Variants in SMARCA4 observed in about 807,000 individuals in gnomAD.
The protein encoded by SMARCA4 is SWI/SNF related BAF chromatin remodeling complex subunit ATPase 4.
In SMARCA4, 31 loss-of-function variants were observed where a neutral mutation model predicts 193.9. The ratio of observed to expected loss-of-function variants is 0.16; its 90% CI spans 0.12 to 0.22. The LOEUF is 0.22. Ranked by LOEUF, SMARCA4 falls within the 10% of genes least tolerant of loss-of-function variation. The pLI, the probability that SMARCA4 is intolerant of heterozygous loss-of-function variation, is 1.00. For missense variants in SMARCA4, 1,148 were observed against 2,296.0 expected (o/e 0.50, Z 10.22); for synonymous variants, 942 against 933.1 (o/e 1.01, Z -0.17).
chr19:11,025,659 C>T (rs1478531172), intron 22 of SMARCA4, 151 bp downstream of exon 22: 2 of 677,872 alleles, frequency 3.0e-6, no homozygotes, highest in Non-Finnish European at 5.4e-6. Context: ...GTCTTCGCTT[C>T]ACCAGTGCTT....
Position 10,986,538 on chromosome 19 carries a change from C to T in SMARCA4, c.705C>T (p.Gly235=), listed in dbSNP as rs1060504445. ...CAACAGGACCCGGCCCTGGCCCTGG[C>T]CCTGGCCCCGGCCCGGGTCCCGGCC... ...VSATGPGPGP[G]PGPGPGPGPA... Residue 235 remains glycine, a synonymous_variant, in exon 4 of 35, where the codon GGC becomes GGT. Transcript: ENST00000344626. This position sits in a 1 kb window ranked among gnomAD's most constrained non-coding sequence, Gnocchi z 6.7. 1.9e-6 allele frequency: 3 copies of T among 1,541,290 alleles called. No individual in the cohort carries two copies. Among genetic ancestry groups the T allele is most frequent in the Admixed American group, 2.0e-5 (1 of 50,962 alleles).
chr19:11,035,499 G>C (rs2075214327), intron 29 of SMARCA4, among the ~76,000 whole-genome samples: 1 of 152,090 alleles, frequency 6.6e-6, no homozygotes, highest in African/African-American at 2.4e-5. Flanking sequence ...GGTGAATCAT[G>C]GACTATTGAG....
rs917005779 is a variant in SMARCA4, at chr19:11,029,515, C to T, written c.3383-1215C>T. Among the ~76,000 whole-genome samples, 9 of 152,346 alleles carry T rather than the reference C, an allele frequency of 5.9e-5. No individual in the cohort carries two copies. The East Asian group carries it at 7.7e-4, about 13-fold the overall frequency. ...CATGGGTGGGCTGGCATCTGGGAGC[C>T]GGGTGGCCCCTCACCTCAGCCCCTC... On this transcript the variant is annotated intron_variant, in intron 24 of 34. Transcript: ENST00000344626.
intron 1 of SMARCA4, among the ~76,000 whole-genome samples, chr19:10,972,832 C>T (rs913701851): frequency 3.5e-4 from 53 of 152,194 alleles, no homozygotes; most frequent in African/African-American, 1.3e-3. Context: ...GAATAGGGGC[C>T]GGGCACAGTG....
In SMARCA4 at chr19:11,030,576, G is replaced by A. The variant is rs976137859; in HGVS notation, c.3383-154G>A. Among the ~76,000 whole-genome samples, 1 of 152,236 alleles carries A rather than the reference G, an allele frequency of 6.6e-6. No homozygotes were observed. The highest frequency in any genetic ancestry group is 2.4e-5 in the African/African-American group (1 of 41,462). ...CTGGAAATCCAGTTATTCGCCAGTG[G>A]CCCACAGGCCCGTGTGGAGAGTGCG... On this transcript the variant is annotated intron_variant, in intron 24 of 34. Coordinates refer to ENST00000344626, the MANE Select transcript of SMARCA4 (RefSeq NM_003072.5). This position sits in a 1 kb window ranked among gnomAD's most constrained non-coding sequence, Gnocchi z 5.5.
chr19:11,004,260 T>C (rs937433853), intron 13 of SMARCA4, among the ~76,000 whole-genome samples: 1 of 150,510 alleles, frequency 6.6e-6, no homozygotes, highest in South Asian at 2.1e-4. Context: ...GTGATTTTTT[T>C]TTTTTTTGAG....
At chr19:10,975,596 A>G (rs1321209859) in intron 1 of SMARCA4, among the ~76,000 whole-genome samples, 1 of 151,236 alleles carries the variant, frequency 6.6e-6, no homozygotes, top group African/African-American at 2.5e-5. Flanking sequence ...GGCGTGAGCC[A>G]CCACGCCCAG....
chr19:11,018,893 G>T (rs2146356621), intron 16 of SMARCA4, 64 bp from the exon 17 acceptor site: 1 of 1,364,702 alleles, frequency 7.3e-7, no homozygotes, highest in Non-Finnish European at 1.1e-6. Flanking sequence ...CAGTGGCTAT[G>T]GGTTTGCACA....
At chr19:10,994,032 AT>A (rs2086790081) in intron 8 of SMARCA4, among the ~76,000 whole-genome samples, 1 of 150,976 alleles carries the variant, frequency 6.6e-6, no homozygotes, top group Non-Finnish European at 1.5e-5. Flanking sequence ...TCTCGTTTTT[AT>A]TTTATGTATT....
At chr19:11,014,507 AC>A (rs2089170219) in intron 16 of SMARCA4, among the ~76,000 whole-genome samples, 1 of 152,132 alleles carries the variant, frequency 6.6e-6, no homozygotes, top group African/African-American at 2.4e-5. Flanking sequence ...CCAGATTGCT[AC>A]AGCGTTCCTG....
In SMARCA4 at chr19:11,028,842, C is replaced by G. The variant is rs2090444517; in HGVS notation, c.3382+892C>G. 2.6e-5 allele frequency among the ~76,000 whole-genome samples: 4 copies of G among 151,928 alleles called. No homozygotes were observed. The South Asian group carries it at 8.4e-4, about 32-fold the overall frequency. On this transcript the variant is annotated intron_variant, in intron 24 of 34. Coordinates refer to ENST00000344626, the MANE Select transcript of SMARCA4 (RefSeq NM_003072.5). ...TTACGAGAAACACGAGCATGAGCTG[C>G]TGAGACAGACACGGCTCAGCCAGTT...
chr19:11,010,273 C>T, intron 14 of SMARCA4, 108 bp from the exon 15 acceptor site: 2 of 1,244,072 alleles, frequency 1.6e-6, no homozygotes, highest in Non-Finnish European at 2.3e-6. Context: ...GTGCTGGCCA[C>T]AGGTCATTCA....
At position 10,979,846 on chromosome 19, in the gene SMARCA4, G is replaced by T. The variant is rs1334836563; in HGVS notation, c.-31-4275G>T. ...TTTCCCTGGGAGAGTGGTATTGACTGGGGGGGCCCAAGAATGCCTTCTGGA... is the reference window on the plus strand; with the variant it reads ...TTTCCCTGGGAGAGTGGTATTGACTTGGGGGGCCCAAGAATGCCTTCTGGA... On this transcript the variant is annotated intron_variant, in intron 1 of 34. Coordinates refer to ENST00000344626, the MANE Select transcript of SMARCA4 (RefSeq NM_003072.5). Among the ~76,000 whole-genome samples, 4 of 152,098 alleles carry T rather than the reference G, an allele frequency of 2.6e-5. No individual in the cohort carries two copies. In the East Asian group the frequency reaches 5.8e-4, roughly 22 times the overall value.
chr19:11,056,988 G>A (rs925856473), intron 30 of SMARCA4, among the ~76,000 whole-genome samples: 4 of 152,248 alleles, frequency 2.6e-5, no homozygotes, highest in African/African-American at 9.6e-5. Flanking sequence ...GGGCTGCCCT[G>A]CCCTCTGGAA....
chr19:11,020,531 C>T (rs1201374235), intron 18 of SMARCA4: 2 of 152,288 alleles, frequency 1.3e-5, no homozygotes, highest in Admixed American at 6.5e-5. Flanking sequence ...CCACCTCACC[C>T]TCCTGAGTAG....
rs1281552752 is a variant in SMARCA4 at position 11,034,033 on chromosome 19, A to G, written c.3874-90A>G. On this transcript the variant is annotated intron_variant, in intron 27 of 34. Coordinates refer to ENST00000344626, the MANE Select transcript of SMARCA4 (RefSeq NM_003072.5). This position sits in a 1 kb window ranked among gnomAD's most constrained non-coding sequence, Gnocchi z 7.0. ...GCAGCCGTGCCGGGACCACCAGCTCATTCCCACGGACGCCGCCGCTCGCCT... is the reference window on the plus strand; with the variant it reads ...GCAGCCGTGCCGGGACCACCAGCTCGTTCCCACGGACGCCGCCGCTCGCCT... The G allele has an allele frequency of 1.3e-5, 13 of 986,916 alleles. No homozygotes were observed. The highest frequency in any genetic ancestry group is 1.8e-5 in the Non-Finnish European group (11 of 612,284). 61.1% of individuals were successfully genotyped at this position (986,916 alleles called of 1,614,324 possible). A position where few individuals can be genotyped will look rare whatever the true frequency, so the allele number is the denominator to read the frequency against.
rs762192740 is a variant in SMARCA4, at chr19:11,034,238, C to T, written c.3951+38C>T. On this transcript the variant is annotated intron_variant, in intron 28 of 34. Transcript: ENST00000344626. This position sits in a 1 kb window ranked among gnomAD's most constrained non-coding sequence, Gnocchi z 7.0. The stretch of plus-strand genomic sequence containing the variant: ...GGCTGGATGGGGCAGTTCAGGCATC[C>T]CACTCTGCTGCCACCAGGAGCAAAG... 6.7e-7 allele frequency: 1 copy of T among 1,502,666 alleles called. No individual in the cohort carries two copies. Among genetic ancestry groups the T allele is most frequent in the East Asian group, 2.3e-5 (1 of 44,358 alleles). The allele number at this position is 1,502,666 out of a possible 1,614,324, so 93.1% of individuals were successfully genotyped here.
In SMARCA4 at chr19:11,033,222, T is replaced by A. The variant is rs2075050530; in HGVS notation, c.3547-68T>A. The A allele has an allele frequency of 1.6e-6, 2 of 1,227,400 alleles. No individual in the cohort carries two copies. Among genetic ancestry groups the A allele is most frequent in the Non-Finnish European group, 2.4e-6 (2 of 830,516 alleles). 76.0% of individuals were successfully genotyped at this position (1,227,400 alleles called of 1,614,324 possible). ...GCACAGCACACCTCTCCAGCTAGTG[T>A]CAGAGGCCACCTTCCCTTTTATGAC... On this transcript the variant is annotated intron_variant, in intron 25 of 34. Transcript: ENST00000344626. This position sits in a 1 kb window ranked among gnomAD's most constrained non-coding sequence, Gnocchi z 9.8.
At chr19:11,049,811 G>A (rs1211611635) in intron 30 of SMARCA4, among the ~76,000 whole-genome samples, 2 of 152,168 alleles carry the variant, frequency 1.3e-5, no homozygotes, top group Non-Finnish European at 2.9e-5. Context: ...CTACAATAAA[G>A]ACCATGCGGG....
Sources: gnomAD v4.1 joint callset for allele counts (sites outside exome capture counted in the v4.1 genomes callset) on GRCh38, gnomAD v4.1.1 for gene constraint, Gnocchi (gnomAD v3.1) non-coding constraint, MANE v1.5 for transcripts, NCBI Gene and HGNC (gene_info 2026-07-23, HGNC 2026-07-21) for gene names.